Variants in ZNF793 observed in about 807,000 individuals in gnomAD.
ZNF793 encodes the protein zinc finger protein 793.
ZNF793 carries 5 observed loss-of-function variants against 12.4 expected under a neutral mutation model. That is an observed-to-expected ratio of 0.40 (90% confidence interval 0.21 to 0.84). The LOEUF (loss-of-function observed/expected upper bound fraction) is 0.84. Among genes scored for constraint, ZNF793 ranks in the 40% least tolerant of loss-of-function variants. ZNF793 has a pLI of 0.35. For missense variants in ZNF793, 456 were observed against 495.0 expected (o/e 0.92, Z 0.75); for synonymous variants, 162 against 172.4 (o/e 0.94, Z 0.47).
intron 5 of ZNF793, among the ~76,000 whole-genome samples, chr19:37,528,633 G>C (rs62111482): frequency 1.3e-5 from 2 of 152,102 alleles, no homozygotes; most frequent in African/African-American, 4.8e-5. Context: ...TCCTAGGCTG[G>C]TACCCATGGG....
At chr19:37,536,487 CGATT>C (rs1374997401) in intron 7 of ZNF793, 1 of 404,932 alleles carries the variant, frequency 2.5e-6, no homozygotes, top group Non-Finnish European at 4.3e-6. Flanking sequence ...TGTGGCCTAC[CGATT>C]GGCCACCTGC....
At chr19:37,525,173 C>T (rs373785801) in intron 5 of ZNF793, among the ~76,000 whole-genome samples, 2 of 150,372 alleles carry the variant, frequency 1.3e-5, no homozygotes, top group African/African-American at 4.9e-5. Flanking sequence ...GTCTTGCTCT[C>T]TGTCGCCCAG....
rs1449284464 is a variant in ZNF793, at chr19:37,537,423, T to C, written c.765T>C (p.Tyr255=). The change falls in exon 8 of 8, where the codon TAT becomes TAC. Residue 255 remains tyrosine, a synonymous_variant. Coordinates refer to ENST00000627814, the MANE Select transcript of ZNF793 (RefSeq NM_001013659.3). ...GAAGTCACACTGGGGAGAAGCCTTA[T>C]GGCTGCACTGACTGTGGGAAAGCCT... is the stretch of plus-strand genomic sequence containing the variant. ...HQRSHTGEKP[Y]GCTDCGKAFS... 6 of 1,613,372 alleles carry C rather than the reference T, an allele frequency of 3.7e-6. No individual in the cohort carries two copies. The highest frequency in any genetic ancestry group is 5.1e-6 in the Non-Finnish European group (6 of 1,179,546).
In ZNF793 at chr19:37,537,657, C is replaced by A; in HGVS notation, c.999C>A (p.His333Gln). The change falls in exon 8 of 8, where the codon CAC becomes CAA. Residue 333 changes from histidine to glutamine, a missense_variant. By Grantham distance (24) the His-to-Gln change is conservative (BLOSUM62 0). Transcript: ENST00000627814. ...KSYLNVHRKM[H>Q]TGERPYRCRE... ...ACCTCAATGTACATCGAAAAATGCA[C>A]ACAGGAGAAAGACCGTATCGTTGCA... The A allele has an allele frequency of 6.2e-7, 1 of 1,613,730 alleles. No individual in the cohort carries two copies. Among genetic ancestry groups the A allele is most frequent in the Non-Finnish European group, 8.5e-7 (1 of 1,179,720 alleles).
At chr19:37,515,433 A>G (rs1274675860) in intron 2 of ZNF793, among the ~76,000 whole-genome samples, 3 of 151,586 alleles carry the variant, frequency 2.0e-5, no homozygotes, top group Admixed American at 6.6e-5. Context: ...TCAGCCTCCC[A>G]AGTAGCTAGG....
chr19:37,511,866 A>G (rs2042296862), intron 2 of ZNF793, among the ~76,000 whole-genome samples: 1 of 152,018 alleles, frequency 6.6e-6, no homozygotes, highest in Admixed American at 6.6e-5. Flanking sequence ...TTGGAGGGGG[A>G]TTTTCAGTCC....
chr19:37,530,368 G>T (rs1252844701), intron 5 of ZNF793, among the ~76,000 whole-genome samples: 2 of 152,168 alleles, frequency 1.3e-5, no homozygotes, highest in Admixed American at 1.3e-4. Flanking sequence ...GTCGGGCTGG[G>T]GGATGGTCAG....
rs1568327841 is a variant in ZNF793 at position 37,537,774 on chromosome 19, TG to T, written c.1119del (p.Ala375LeufsTer26). The T allele has an allele frequency of 1.3e-5, 21 of 1,613,936 alleles. No homozygotes were observed. The highest frequency in any genetic ancestry group is 1.7e-5 in the Non-Finnish European group (20 of 1,179,988). On this transcript the variant is annotated frameshift_variant, in exon 8 of 8. Transcript: ENST00000627814. LOFTEE classifies it low-confidence loss of function (END_TRUNC). The part of the protein sequence containing the change: ...GEKPYGCNEC[G>X]KAFYQKPNLS... ...AGAAGCCCTATGGGTGCAATGAATG[TG>T]GGAAAGCTTTCTACCAGAAGCCAAA...
intron 4 of ZNF793, 27 bp from the exon 5 acceptor site, chr19:37,523,383 C>T (rs1016455023): frequency 5.7e-6 from 9 of 1,575,540 alleles, no homozygotes; most frequent in Admixed American, 5.0e-5. Context: ...TCTCTTTCTC[C>T]ATCTTCTTCC....
chr19:37,520,982 C>T (rs182352907), intron 3 of ZNF793, among the ~76,000 whole-genome samples: 2 of 151,742 alleles, frequency 1.3e-5, no homozygotes, highest in East Asian at 1.9e-4. Flanking sequence ...CACCACCATG[C>T]CCGGCTAATT....
chr19:37,531,274 C>G (rs2147098804), intron 5 of ZNF793: 1 of 152,400 alleles, frequency 6.6e-6, no homozygotes, highest in South Asian at 2.1e-4. Flanking sequence ...TCTAGAGATT[C>G]TCCTGCCTCA....
chr19:37,537,200 G>A lies in ZNF793; in HGVS notation c.542G>A (p.Arg181Gln). ...CTTCAGCGTATAAATCATGGTAGAC[G>A]ACCTAATGGAGAAAAGCCCCGGGGT... ...KLLQRINHGR[R>Q]PNGEKPRGCS... Residue 181 changes from arginine to glutamine, a missense_variant, in exon 8 of 8, where the codon CGA becomes CAA. Coordinates refer to ENST00000627814, the MANE Select transcript of ZNF793 (RefSeq NM_001013659.3). The A allele has an allele frequency of 1.9e-6, 3 of 1,613,714 alleles. No individual in the cohort carries two copies. Among genetic ancestry groups the A allele is most frequent in the African/African-American group, 2.7e-5 (2 of 75,036 alleles).
intron 2 of ZNF793, among the ~76,000 whole-genome samples, chr19:37,508,683 G>A (rs1050979427): frequency 4.6e-5 from 7 of 152,086 alleles, no homozygotes; most frequent in Admixed American, 2.0e-4. Context: ...TCCAGCCCGG[G>A]TGACAGAATG....
intron 2 of ZNF793, among the ~76,000 whole-genome samples, chr19:37,509,054 T>C (rs543888453): frequency 3.9e-5 from 6 of 152,344 alleles, no homozygotes; most frequent in Non-Finnish European, 7.3e-5. Flanking sequence ...GTTATTAAAA[T>C]GGCTGAGATG....
At chr19:37,509,413 TA>T (rs1298294231) in intron 2 of ZNF793, among the ~76,000 whole-genome samples, 1 of 152,238 alleles carries the variant, frequency 6.6e-6, no homozygotes, top group Non-Finnish European at 1.5e-5. Context: ...ATTTTAATTT[TA>T]AAAAATTATT....
chr19:37,520,629 C>T (rs575608987), intron 3 of ZNF793, among the ~76,000 whole-genome samples: 6 of 152,116 alleles, frequency 3.9e-5, no homozygotes, highest in South Asian at 4.2e-4. Context: ...ATGGCGGGTG[C>T]GATAGGCATG....
chr19:37,523,797 G>C (rs748445836), intron 5 of ZNF793, among the ~76,000 whole-genome samples: 20 of 152,138 alleles, frequency 1.3e-4, no homozygotes, highest in East Asian at 7.7e-4. Flanking sequence ...AGGCTGCCCC[G>C]AGGAGGGTAG....
intron 5 of ZNF793, among the ~76,000 whole-genome samples, chr19:37,530,536 A>C (rs929788660): frequency 1.3e-5 from 2 of 152,132 alleles, no homozygotes; most frequent in African/African-American, 4.8e-5. Flanking sequence ...CTTAAGGAGC[A>C]TGCTGCCTTC....
intron 6 of ZNF793, 54 bp from the exon 7 acceptor site, chr19:37,533,254 G>A: frequency 6.7e-7 from 1 of 1,491,714 alleles, no homozygotes; most frequent in Non-Finnish European, 9.3e-7. Flanking sequence ...TGCCTGAGAG[G>A]CCCTGAAGAC....
Sources: allele counts gnomAD v4.1 joint callset (sites outside exome capture counted in the v4.1 genomes callset), GRCh38; gene constraint gnomAD v4.1.1; transcripts MANE v1.5; gene names NCBI Gene and HGNC (gene_info 2026-07-23, HGNC 2026-07-21).